Variants in KCND2 observed in about 807,000 individuals in gnomAD.
The protein encoded by KCND2 is A-type voltage-gated potassium channel KCND2.
KCND2 carries 16 observed loss-of-function variants against 54.4 expected under a neutral mutation model. The ratio of observed to expected loss-of-function variants is 0.29; its 90% CI spans 0.20 to 0.45. KCND2 has a LOEUF of 0.45. KCND2 is among the 20% of genes least tolerant of loss of function. KCND2 has a pLI of 1.00. For missense variants in KCND2, 486 were observed against 824.2 expected (o/e 0.59, Z 5.02); for synonymous variants, 317 against 310.7 (o/e 1.02, Z -0.21).
intron 1 of KCND2, among the ~76,000 whole-genome samples, chr7:120,680,424 T>A (rs760470160): frequency 6.6e-6 from 1 of 152,142 alleles, no homozygotes; most frequent in African/African-American, 2.4e-5. Flanking sequence ...AACAACTGTT[T>A]CATCGCCGTA....
intron 1 of KCND2, among the ~76,000 whole-genome samples, chr7:120,517,327 A>G (rs143342335): frequency 2.3e-4 from 35 of 152,180 alleles, no homozygotes; most frequent in African/African-American, 8.4e-4. Context: ...TATTCTTAGT[A>G]TATTGTTGAG....
chr7:120,744,281 T>A (rs1337416633), intron 4 of KCND2, among the ~76,000 whole-genome samples: 2 of 151,912 alleles, frequency 1.3e-5, no homozygotes, highest in Non-Finnish European at 2.9e-5. Context: ...AATAAATAAA[T>A]AAAATATTTT....
chr7:120,402,542 T>C (rs571355940), intron 1 of KCND2, among the ~76,000 whole-genome samples: 2 of 152,308 alleles, frequency 1.3e-5, no homozygotes, highest in African/African-American at 4.8e-5. Context: ...TGTGGATTAA[T>C]GTTGCAGTAG....
intron 1 of KCND2, among the ~76,000 whole-genome samples, chr7:120,451,296 C>A (rs940604166): frequency 3.3e-5 from 5 of 152,034 alleles, no homozygotes; most frequent in Non-Finnish European, 7.3e-5. Context: ...TGCTAGGAAG[C>A]ACGAGTTATT....
chr7:120,642,925 A>T (rs1185536333), intron 1 of KCND2, among the ~76,000 whole-genome samples: 2 of 152,252 alleles, frequency 1.3e-5, no homozygotes, highest in African/African-American at 4.8e-5. Flanking sequence ...CACAACATGT[A>T]TCAGAATTTC....
chr7:120,671,974 T>G (rs749129146), intron 1 of KCND2, among the ~76,000 whole-genome samples: 2 of 152,108 alleles, frequency 1.3e-5, no homozygotes, highest in Non-Finnish European at 2.9e-5. Flanking sequence ...TTTTGTAAAT[T>G]TATCTGCATC....
At chr7:120,580,048 A>G (rs1792495028) in intron 1 of KCND2, among the ~76,000 whole-genome samples, 1 of 152,218 alleles carries the variant, frequency 6.6e-6, no homozygotes, top group East Asian at 1.9e-4. Flanking sequence ...ACTGATGCCT[A>G]TGCATAACAT....
chr7:120,643,378 CAT>C (rs1793400797), intron 1 of KCND2, among the ~76,000 whole-genome samples: 1 of 151,982 alleles, frequency 6.6e-6, no homozygotes, highest in Non-Finnish European at 1.5e-5. Context: ...TGAAAACTTC[CAT>C]ATGTTTTTAA....
rs1007310451 is a variant in KCND2, at chr7:120,683,163, A to G, written c.1116-49740A>G. Among the ~76,000 whole-genome samples the G allele has an allele frequency of 5.9e-5, 9 of 152,202 alleles. 1 individual carries two copies. The highest frequency in any genetic ancestry group is 2.9e-5 in the Non-Finnish European group (2 of 68,032). ...TACTTTTTTCTGAGCAAAGTTTCGT[A>G]TCAAGCACCAAGCATCATGCCTTTC... On this transcript the variant is annotated intron_variant, in intron 1 of 5. Coordinates refer to ENST00000331113, the MANE Select transcript of KCND2 (RefSeq NM_012281.3).
At chr7:120,539,877 C>T (rs1791958811) in intron 1 of KCND2, among the ~76,000 whole-genome samples, 1 of 152,052 alleles carries the variant, frequency 6.6e-6, no homozygotes, top group African/African-American at 2.4e-5. Flanking sequence ...TACTTTGTAT[C>T]CTTTGTTAAC....
At chr7:120,440,771 A>G (rs1481774049) in intron 1 of KCND2, among the ~76,000 whole-genome samples, 2 of 151,932 alleles carry the variant, frequency 1.3e-5, no homozygotes, top group African/African-American at 2.4e-5. Flanking sequence ...AAGCTTTCAT[A>G]TATCCCTAGT....
rs10571787 is a variant in KCND2, at chr7:120,739,798, A to AACACACACACAC, written c.1279-1713_1279-1702dup. Among the ~76,000 whole-genome samples, 124 of 144,066 alleles carry AACACACACACAC rather than the reference A, an allele frequency of 8.6e-4. 2 individuals are homozygous for AACACACACACAC. Among genetic ancestry groups the AACACACACACAC allele is most frequent in the Admixed American group, 7.3e-3 (103 of 14,188 alleles). The allele number at this position is 144,066 out of a possible 152,430, so 94.5% of individuals were successfully genotyped here. A position where few individuals can be genotyped will look rare whatever the true frequency, so the allele number is the denominator to read the frequency against. ...AAATTTGGTAAGACTTAACAAAAGA[A>AACACACACACAC]ACACACACACACACACACACACACA... is the stretch of plus-strand genomic sequence containing the variant. On this transcript the variant is annotated intron_variant, in intron 2 of 5. Transcript: ENST00000331113.
chr7:120,381,726 C>G (rs1275177270), intron 1 of KCND2, among the ~76,000 whole-genome samples: 1 of 152,016 alleles, frequency 6.6e-6, no homozygotes, highest in Non-Finnish European at 1.5e-5. Context: ...AGAAACAAAG[C>G]ATGCCAAAAT....
At chr7:120,368,656 C>T (rs889149916) in intron 1 of KCND2, among the ~76,000 whole-genome samples, 13 of 152,000 alleles carry the variant, frequency 8.6e-5, no homozygotes, top group Non-Finnish European at 1.6e-4. Flanking sequence ...AGGAGTATTC[C>T]TTTTTACTAA....
chr7:120,697,281 A>T (rs932058900), intron 1 of KCND2, among the ~76,000 whole-genome samples: 10 of 152,174 alleles, frequency 6.6e-5, no homozygotes, highest in African/African-American at 2.4e-4. Context: ...TCCAGTTTTG[A>T]TTTCTCAAAT....
At chr7:120,600,706 G>A (rs1792803107) in intron 1 of KCND2, among the ~76,000 whole-genome samples, 1 of 151,842 alleles carries the variant, frequency 6.6e-6, no homozygotes, top group Admixed American at 6.6e-5. Flanking sequence ...TAGAGATTTG[G>A]GGAAATTGAT....
intron 1 of KCND2, among the ~76,000 whole-genome samples, chr7:120,419,204 A>G (rs1014444072): frequency 2.6e-5 from 4 of 152,132 alleles, no homozygotes; most frequent in Non-Finnish European, 5.9e-5. Flanking sequence ...AACCTGGATC[A>G]CTGTCTATCC....
At chr7:120,285,634 A>AT (rs1799329063) in intron 1 of KCND2, among the ~76,000 whole-genome samples, 1 of 151,892 alleles carries the variant, frequency 6.6e-6, no homozygotes, top group African/African-American at 2.4e-5. Flanking sequence ...ATTGCCTTGC[A>AT]TTTTTTTAAT....
chr7:120,434,263 G>A (rs946434304), intron 1 of KCND2, among the ~76,000 whole-genome samples: 1 of 152,152 alleles, frequency 6.6e-6, no homozygotes, highest in Non-Finnish European at 1.5e-5. Flanking sequence ...AACACAAGAG[G>A]CATCTATGGG....
Sources: gnomAD v4.1 joint callset for allele counts (sites outside exome capture counted in the v4.1 genomes callset) on GRCh38, gnomAD v4.1.1 for gene constraint, MANE v1.5 for transcripts, NCBI Gene and HGNC (gene_info 2026-07-23, HGNC 2026-07-21) for gene names.